PDRG1: variants seen among roughly 807,000 people sequenced by gnomAD.
PDRG1 encodes the protein p53 and DNA damage regulated 1, also known as p53 and DNA damage-regulated protein 1.
In PDRG1, 14 loss-of-function variants were observed where a neutral mutation model predicts 18.4. The observed-to-expected ratio is 0.76, with a 90% CI of 0.50 to 1.19. The LOEUF (loss-of-function observed/expected upper bound fraction) is 1.19. Among genes scored for constraint, PDRG1 ranks in the 50% most tolerant of loss-of-function variants. The pLI is 0.00. For missense variants in PDRG1, 177 were observed against 160.1 expected (o/e 1.11, Z -0.57); for synonymous variants, 65 against 60.9 (o/e 1.07, Z -0.31).
intron 4 of PDRG1, 44 bp from the exon 5 acceptor site, chr20:31,945,933 G>T: frequency 6.5e-7 from 1 of 1,534,668 alleles, no homozygotes; most frequent in Non-Finnish European, 9.0e-7. Flanking sequence ...CCTCCTGCTG[G>T]CTCTGGAGCC....
intron 2 of PDRG1, among the ~76,000 whole-genome samples, chr20:31,949,161 C>G (rs1000790529): frequency 6.6e-6 from 1 of 152,196 alleles, no homozygotes; most frequent in African/African-American, 2.4e-5. Flanking sequence ...TATATGCTAT[C>G]TACACAGAGA....
chr20:31,949,562 GC>G (rs2064339399), intron 2 of PDRG1, among the ~76,000 whole-genome samples: 1 of 151,570 alleles, frequency 6.6e-6, no homozygotes, highest in South Asian at 2.1e-4. Flanking sequence ...ACAGAGCAAG[GC>G]TCTGTCTCCA....
At chr20:31,948,948 G>A in intron 2 of PDRG1, 66 bp from the exon 3 acceptor site, 1 of 1,457,104 alleles carries the variant, frequency 6.9e-7, no homozygotes, top group Non-Finnish European at 9.6e-7. Context: ...GCCAGGCATT[G>A]TTTTAGATAC....
intron 4 of PDRG1, 122 bp from the exon 5 acceptor site, chr20:31,946,011 G>C: frequency 1.4e-6 from 1 of 733,036 alleles, no homozygotes; most frequent in South Asian, 1.8e-5. Context: ...GGCAGGGATG[G>C]GCCTCCAATT....
chr20:31,950,478 A>G (rs2064345529), intron 1 of PDRG1, 91 bp from the exon 2 acceptor site: 1 of 917,730 alleles, frequency 1.1e-6, no homozygotes, highest in African/African-American at 1.7e-5. Context: ...GCAATGCATT[A>G]TTCCTGATTA....
rs1310519174 is a variant in PDRG1, at chr20:31,944,990, C to T, written c.*817G>A. 1.3e-5 allele frequency: 2 copies of T among 152,208 alleles called. No homozygotes were observed. Among genetic ancestry groups the T allele is most frequent in the Non-Finnish European group, 2.9e-5 (2 of 68,056 alleles). The allele number at this position is 152,208 out of a possible 1,614,324, so 9.4% of individuals were successfully genotyped here. On this transcript the variant is annotated 3_prime_UTR_variant, in exon 5 of 5. Transcript: ENST00000202017. ...TCATTCAGCTAACATTTATTGAGCCCTTAATGAACACATAAGAGTTTTGAC... is the reference window on the plus strand; with the variant it reads ...TCATTCAGCTAACATTTATTGAGCCTTTAATGAACACATAAGAGTTTTGAC...
intron 3 of PDRG1, among the ~76,000 whole-genome samples, chr20:31,948,475 CAAGAGT>C (rs1302308554): frequency 6.6e-6 from 1 of 152,238 alleles, no homozygotes; most frequent in Non-Finnish European, 1.5e-5. Context: ...ATTTCTTATG[CAAGAGT>C]AAAAGAAGCA....
chr20:31,946,383 G>A lies in PDRG1; in HGVS notation c.319+113C>T, dbSNP rs372152798. 5.0e-6 allele frequency: 5 copies of A among 1,003,008 alleles called. No individual in the cohort carries two copies. The Admixed American group carries it at 8.8e-5, about 18-fold the overall frequency. 62.1% of individuals were successfully genotyped at this position (1,003,008 alleles called of 1,614,324 possible). A position where few individuals can be genotyped will look rare whatever the true frequency, so the allele number is the denominator to read the frequency against. ...GTGCACACCTCCAGGGCCACTCACA[G>A]GCTGCCCCGGACACTGCCCATCTCT... On this transcript the variant is annotated intron_variant, in intron 4 of 4. Transcript: ENST00000202017.
chr20:31,951,999 C>A lies in PDRG1; in HGVS notation c.-38G>T, dbSNP rs539907113. 1 of 1,501,880 alleles carries A rather than the reference C, an allele frequency of 6.7e-7. No individual in the cohort carries two copies. The highest frequency in any genetic ancestry group is 8.9e-7 in the Non-Finnish European group (1 of 1,128,668). 93.0% of individuals were successfully genotyped at this position (1,501,880 alleles called of 1,614,324 possible). ...CTCCGCTTGCGGCTCTCGCGCGACC[C>A]CGGGATCTCCGCTTCGACTCCCGCT... On this transcript the variant is annotated 5_prime_UTR_variant, in exon 1 of 5. Transcript: ENST00000202017.
Position 31,945,768 on chromosome 20 carries a change from C to A in PDRG1, c.*39G>T. On this transcript the variant is annotated 3_prime_UTR_variant, in exon 5 of 5. Transcript: ENST00000202017. ...TGGAGGGTCCTGGGTCCTCCATGAC[C>A]CTGGGGGGTTGCTGGTCCCCCATCT... 1 of 1,556,306 alleles carries A rather than the reference C, an allele frequency of 6.4e-7. No individual in the cohort carries two copies. The highest frequency in any genetic ancestry group is 8.9e-7 in the Non-Finnish European group (1 of 1,129,212).
intron 4 of PDRG1, 87 bp downstream of exon 4, chr20:31,946,409 G>A: frequency 3.9e-6 from 5 of 1,276,254 alleles, no homozygotes; most frequent in Non-Finnish European, 5.7e-6. Context: ...GCCCATCTCT[G>A]AGGGTCGGAC....
intron 4 of PDRG1, 133 bp from the exon 5 acceptor site, chr20:31,946,022 C>A (rs2064314524): frequency 3.0e-6 from 2 of 661,336 alleles, no homozygotes; most frequent in Non-Finnish European, 5.2e-6. Flanking sequence ...GCCTCCAATT[C>A]TGCAATGCAC....
At position 31,948,853 on chromosome 20, in the gene PDRG1, AC is replaced by A; in HGVS notation, c.192del (p.Met64IlefsTer13). On this transcript the variant is annotated frameshift_variant, in exon 3 of 5. Coordinates refer to ENST00000202017, the MANE Select transcript of PDRG1 (RefSeq NM_030815.3). LOFTEE classifies it high-confidence loss of function. ...SEDVMVCFGN[M>X]FIKMPHPETK... ...GTCTCAGGGTGAGGCATCTTGATAA[AC>A]ATGTTCCCGAAGCAAACCATCACAT... 6.2e-7 allele frequency: 1 copy of A among 1,614,058 alleles called. No homozygotes were observed. Among genetic ancestry groups the A allele is most frequent in the Non-Finnish European group, 8.5e-7 (1 of 1,179,976 alleles).
At chr20:31,951,846 G>A in intron 1 of PDRG1, 29 bp downstream of exon 1, 2 of 1,537,532 alleles carry the variant, frequency 1.3e-6, no homozygotes, top group Non-Finnish European at 1.7e-6. Context: ...CCGGCCGCCA[G>A]GCCCCAGCGC....
intron 3 of PDRG1, 24 bp downstream of exon 3, chr20:31,948,783 CT>C: frequency 1.2e-6 from 2 of 1,606,390 alleles, no homozygotes; most frequent in African/African-American, 1.3e-5. Context: ...CAGCACACCC[CT>C]GACCCATCCC....
In PDRG1 at chr20:31,945,269, G is replaced by C. The variant is rs1344212485; in HGVS notation, c.*538C>G. ...AAAAAGTGCAAAATTGGAGCTGGCG[G>C]GAGGTGTGTGTGCCTGCCCCACAGA... On this transcript the variant is annotated 3_prime_UTR_variant, in exon 5 of 5. Coordinates refer to ENST00000202017, the MANE Select transcript of PDRG1 (RefSeq NM_030815.3). 1.3e-5 allele frequency: 2 copies of C among 152,974 alleles called. No homozygotes were observed. The highest frequency in any genetic ancestry group is 4.8e-5 in the African/African-American group (2 of 41,466). 9.5% of individuals were successfully genotyped at this position (152,974 alleles called of 1,614,324 possible).
rs1462978929 is a variant in PDRG1 at position 31,944,730 on chromosome 20, CG to C, written c.*1076del. 2.0e-5 allele frequency: 3 copies of C among 152,208 alleles called. No homozygotes were observed. Among genetic ancestry groups the C allele is most frequent in the Admixed American group, 6.5e-5 (1 of 15,278 alleles). The allele number at this position is 152,208 out of a possible 1,614,324, so 9.4% of individuals were successfully genotyped here. ...ATATGTCTAGCTTCTCTTGAAAACA[CG>C]TAAGAACTGGCCATGACAGCCTGTG... On this transcript the variant is annotated 3_prime_UTR_variant, in exon 5 of 5. Coordinates refer to ENST00000202017, the MANE Select transcript of PDRG1 (RefSeq NM_030815.3).
intron 3 of PDRG1, among the ~76,000 whole-genome samples, 186 bp from the exon 4 acceptor site, chr20:31,946,762 G>A (rs1222509024): frequency 6.6e-6 from 1 of 152,196 alleles, no homozygotes; most frequent in Non-Finnish European, 1.5e-5. Flanking sequence ...ACCACTCAGA[G>A]AGCCCAGGAC....
intron 2 of PDRG1, 119 bp from the exon 3 acceptor site, chr20:31,949,001 G>A (rs1324631309): frequency 9.5e-6 from 8 of 842,766 alleles, no homozygotes; most frequent in Non-Finnish European, 1.5e-5. Flanking sequence ...CCCTCTTGGA[G>A]CTTATGTTAC....
Sources: gnomAD v4.1 joint callset for allele counts (sites outside exome capture counted in the v4.1 genomes callset) on GRCh38, gnomAD v4.1.1 for gene constraint, MANE v1.5 for transcripts, NCBI Gene and HGNC (gene_info 2026-07-23, HGNC 2026-07-21) for gene names.